Variants in SPATS2 observed in about 807,000 individuals in gnomAD.
The protein encoded by SPATS2 is spermatogenesis-associated serine-rich protein 2.
A neutral mutation model predicts 63.7 loss-of-function variants in SPATS2; 38 were observed. The observed-to-expected ratio is 0.60, with a 90% CI of 0.46 to 0.78. SPATS2 has a LOEUF of 0.78. Among genes scored for constraint, SPATS2 ranks in the 30% least tolerant of loss-of-function variants. The probability of loss-of-function intolerance (pLI) is 0.00; values close to 1 mark genes in which losing one functional copy is unlikely to be tolerated. For synonymous variants in SPATS2, 207 were observed against 232.9 expected (o/e 0.89, Z 1.01); for missense variants, 588 against 666.2 (o/e 0.88, Z 1.29).
intron 2 of SPATS2, among the ~76,000 whole-genome samples, chr12:49,442,884 T>C (rs1396636782): frequency 6.7e-6 from 1 of 150,260 alleles, no homozygotes; most frequent in Non-Finnish European, 1.5e-5. Flanking sequence ...CTAAAACTCT[T>C]TATTCATTAA....
At chr12:49,516,576 T>C (rs531324662) in intron 10 of SPATS2, among the ~76,000 whole-genome samples, 5 of 150,360 alleles carry the variant, frequency 3.3e-5, no homozygotes, top group African/African-American at 9.8e-5. Context: ...CATGGTGGCA[T>C]GCGCCTGTAG....
At chr12:49,437,781 A>G (rs571648444) in intron 2 of SPATS2, among the ~76,000 whole-genome samples, 32 of 152,286 alleles carry the variant, frequency 2.1e-4, no homozygotes, top group African/African-American at 3.1e-4. Context: ...TGGCAGCAGT[A>G]CAGTCCAGCT....
intron 2 of SPATS2, among the ~76,000 whole-genome samples, chr12:49,459,435 G>A (rs1318546649): frequency 3.3e-5 from 5 of 151,942 alleles, no homozygotes; most frequent in African/African-American, 1.2e-4. Flanking sequence ...GGCAACCTCC[G>A]CCTCCTGGAT....
chr12:49,425,371 G>T (rs965819866), intron 2 of SPATS2, among the ~76,000 whole-genome samples: 4 of 152,076 alleles, frequency 2.6e-5, no homozygotes, highest in Non-Finnish European at 5.9e-5. Flanking sequence ...TGTAGACAGG[G>T]TCTCACTCTG....
intron 10 of SPATS2, among the ~76,000 whole-genome samples, chr12:49,518,611 A>C (rs1182503320): frequency 6.6e-6 from 1 of 152,228 alleles, no homozygotes; most frequent in Non-Finnish European, 1.5e-5. Flanking sequence ...GAAGGGAAAA[A>C]AGAGAGCTAC....
Position 49,494,727 on chromosome 12 carries a change from T to G in SPATS2, c.265-14T>G. The G allele has an allele frequency of 6.7e-7, 1 of 1,493,508 alleles. No homozygotes were observed. The highest frequency in any genetic ancestry group is 8.9e-7 in the Non-Finnish European group (1 of 1,122,524). The allele number at this position is 1,493,508 out of a possible 1,614,324, so 92.5% of individuals were successfully genotyped here. A position where few individuals can be genotyped will look rare whatever the true frequency, so the allele number is the denominator to read the frequency against. ...TTTCTTTTCTTTTCTTTTTCAAATT[T>G]TTAATAACTTTAGAACAAAAAGAAG... On this transcript the variant is annotated splice_polypyrimidine_tract_variant and intron_variant, in intron 6 of 13. Coordinates refer to ENST00000552918, the MANE Select transcript of SPATS2 (RefSeq NM_023071.4).
intron 11 of SPATS2, among the ~76,000 whole-genome samples, 184 bp downstream of exon 11, chr12:49,519,366 A>G (rs1592481534): frequency 6.6e-6 from 1 of 152,090 alleles, no homozygotes; most frequent in Non-Finnish European, 1.5e-5. Context: ...CCAGCTGGAA[A>G]CCTTAGGAAA....
chr12:49,406,647 A>G (rs968005972), intron 2 of SPATS2: 3 of 152,058 alleles, frequency 2.0e-5, no homozygotes, highest in Non-Finnish European at 4.4e-5. Context: ...GCGGTCAGTG[A>G]TAGCTGCTTT....
chr12:49,371,070 G>T (rs930742943), intron 1 of SPATS2, among the ~76,000 whole-genome samples, 158 bp from the exon 2 acceptor site: 1 of 152,142 alleles, frequency 6.6e-6, no homozygotes, highest in Non-Finnish European at 1.5e-5. Flanking sequence ...AAAATTTAGC[G>T]TTTTAACCAT....
chr12:49,526,243 C>A lies in SPATS2; in HGVS notation c.1626C>A (p.Ala542=). ...AACCCAGGACCTCTCAGACTGAAGC[C>A]GTGAACTCTTGAGAGAAAATCCAGT... ...QRKPRTSQTE[A]VNS The change falls in exon 14 of 14, where the codon GCC becomes GCA. Residue 542 remains alanine, a synonymous_variant. Transcript: ENST00000552918. 6.2e-7 allele frequency: 1 copy of A among 1,608,066 alleles called. No homozygotes were observed.
At chr12:49,393,061 G>A (rs1323797131) in intron 2 of SPATS2, among the ~76,000 whole-genome samples, 2 of 152,056 alleles carry the variant, frequency 1.3e-5, no homozygotes, top group East Asian at 3.9e-4. Context: ...AAAAAAAATA[G>A]TAATATAGAA....
chr12:49,485,279 C>T (rs1364827994), intron 4 of SPATS2, among the ~76,000 whole-genome samples: 1 of 151,888 alleles, frequency 6.6e-6, no homozygotes, highest in Non-Finnish European at 1.5e-5. Flanking sequence ...TGGCCTCGAT[C>T]TCCTGACCTC....
chr12:49,489,652 A>C, intron 5 of SPATS2, 79 bp downstream of exon 5: 1 of 1,203,788 alleles, frequency 8.3e-7, no homozygotes, highest in Non-Finnish European at 1.2e-6. Flanking sequence ...ACATTCAGCA[A>C]TCCAGTGATT....
intron 2 of SPATS2, among the ~76,000 whole-genome samples, chr12:49,394,593 A>C (rs1295211492): frequency 6.6e-6 from 1 of 151,642 alleles, no homozygotes; most frequent in African/African-American, 2.4e-5. Context: ...TATCTTTACA[A>C]ATTTTATATT....
rs113379519 is a variant in SPATS2 at position 49,423,147 on chromosome 12, T to A, written c.-243-37623T>A. ...CTCTGGTTAATACTGTTTTTGTTTTTTTTTTTTGAGATGAAGTCTCTGTTG... is the reference window on the plus strand; with the variant it reads ...CTCTGGTTAATACTGTTTTTGTTTTATTTTTTTGAGATGAAGTCTCTGTTG... On this transcript the variant is annotated intron_variant, in intron 2 of 13. Transcript: ENST00000552918. Among the ~76,000 whole-genome samples the A allele has an allele frequency of 2.5e-3, 375 of 152,176 alleles. 2 individuals carry two copies. The highest frequency in any genetic ancestry group is 8.6e-3 in the African/African-American group (358 of 41,524).
intron 2 of SPATS2, among the ~76,000 whole-genome samples, chr12:49,435,173 G>T (rs1592391582): frequency 6.6e-6 from 1 of 151,674 alleles, no homozygotes; most frequent in East Asian, 1.9e-4. Context: ...TGGGACTACA[G>T]GCGCCTGCCA....
chr12:49,418,616 A>G (rs1177317265), intron 2 of SPATS2, among the ~76,000 whole-genome samples: 1 of 151,668 alleles, frequency 6.6e-6, no homozygotes, highest in Non-Finnish European at 1.5e-5. Flanking sequence ...TTTTATTTTT[A>G]TTTTTTGTAG....
intron 2 of SPATS2, among the ~76,000 whole-genome samples, chr12:49,399,429 A>G (rs1944566951): frequency 6.6e-6 from 1 of 152,192 alleles, no homozygotes; most frequent in Admixed American, 6.6e-5. Context: ...CCCAAGATGG[A>G]TAGTCTATTA....
rs181006384 is a variant in SPATS2, at chr12:49,459,285, C to T, written c.-243-1485C>T. 6.2e-4 allele frequency among the ~76,000 whole-genome samples: 95 copies of T among 152,162 alleles called. No individual in the cohort carries two copies. In the East Asian group the frequency reaches 8.5e-3, roughly 14 times the overall value. ...GATAAATTACCTGTTGTGACTGTCC[C>T]GGTGTGCCTGCCCACCAGACACCTG... On this transcript the variant is annotated intron_variant, in intron 2 of 13. Transcript: ENST00000552918.
Sources: allele counts gnomAD v4.1 joint callset (sites outside exome capture counted in the v4.1 genomes callset), GRCh38; gene constraint gnomAD v4.1.1; transcripts MANE v1.5; gene names NCBI Gene and HGNC (gene_info 2026-07-23, HGNC 2026-07-21).